ARHGEF4: variants seen among roughly 807,000 people sequenced by gnomAD.
ARHGEF4 encodes APC-stimulated guanine nucleotide exchange factor 1.
Under a neutral mutation model 162.0 loss-of-function variants are expected in ARHGEF4, and 119 were observed. The ratio of observed to expected loss-of-function variants is 0.73; its 90% CI spans 0.63 to 0.86. The LOEUF (loss-of-function observed/expected upper bound fraction) is 0.86, where lower values mean the gene tolerates loss of function less well. Among genes scored for constraint, ARHGEF4 ranks in the 40% least tolerant of loss-of-function variants. The pLI, the probability that ARHGEF4 is intolerant of heterozygous loss-of-function variation, is 0.00. For missense variants in ARHGEF4, 2,488 were observed against 2,456.0 expected (o/e 1.01, Z -0.28); for synonymous variants, 1,014 against 979.9 (o/e 1.03, Z -0.65).
intron 5 of ARHGEF4, chr2:131,035,420 C>G (rs1448187883): frequency 1.5e-6 from 1 of 656,196 alleles, no homozygotes; most frequent in Non-Finnish European, 2.1e-6. Flanking sequence ...CGAGCGGGTG[C>G]CTGAGGGGCG....
In ARHGEF4 at chr2:130,880,484, G is replaced by GC. The variant is rs1360566256; in HGVS notation, c.40-33498dup. Among the ~76,000 whole-genome samples the GC allele has an allele frequency of 9.2e-5, 14 of 152,256 alleles. 1 individual carries two copies. Among genetic ancestry groups the GC allele is most frequent in the Admixed American group, 7.2e-4 (11 of 15,292 alleles). ...GGATAGAAGTGTAGAGGAATTCCCAGCCCCTCTTTCCCATTTGTCTTAGCT... is the reference window on the plus strand; with the variant it reads ...GGATAGAAGTGTAGAGGAATTCCCAGCCCCCTCTTTCCCATTTGTCTTAGCT... On this transcript the variant is annotated intron_variant, in intron 1 of 13. Transcript: ENST00000409359.
At chr2:131,008,831 T>C (rs922720158) in intron 4 of ARHGEF4, among the ~76,000 whole-genome samples, 1 of 152,216 alleles carries the variant, frequency 6.6e-6, no homozygotes, top group Non-Finnish European at 1.5e-5. Context: ...ATTTATCCCT[T>C]TCCTGTTTTA....
chr2:130,867,891 G>T (rs189155714), intron 1 of ARHGEF4, among the ~76,000 whole-genome samples: 177 of 151,432 alleles, frequency 1.2e-3, no homozygotes, highest in African/African-American at 4.1e-3. Flanking sequence ...TCAACGCTGC[G>T]TGTGGTGGGA....
chr2:130,875,244 G>A (rs1337488559), intron 1 of ARHGEF4, among the ~76,000 whole-genome samples: 1 of 152,050 alleles, frequency 6.6e-6, no homozygotes, highest in African/African-American at 2.4e-5. Context: ...TTAGCGCATT[G>A]CTTGGCTTTA....
At chr2:131,018,603 T>C (rs528664010) in intron 4 of ARHGEF4, among the ~76,000 whole-genome samples, 1 of 152,350 alleles carries the variant, frequency 6.6e-6, no homozygotes, top group Non-Finnish European at 1.5e-5. Flanking sequence ...TAAATTTTGA[T>C]ACAGTTCAAT....
chr2:130,964,266 CCCCGCGCCG>C (rs1684837885), intron 4 of ARHGEF4: 49 of 985,900 alleles, frequency 5.0e-5, no homozygotes, highest in Non-Finnish European at 5.5e-5. Context: ...ACGCCGCCAT[CCCCGCGCCG>C]CACGCGCCCT....
At chr2:130,988,305 C>G (rs573920172) in intron 4 of ARHGEF4, among the ~76,000 whole-genome samples, 1 of 152,296 alleles carries the variant, frequency 6.6e-6, no homozygotes, top group South Asian at 2.1e-4. Flanking sequence ...ACTCACAGCT[C>G]CAAGCCACGT....
rs773745720 is a variant in ARHGEF4, at chr2:130,917,487, C to T, written c.3541C>T (p.Pro1181Ser). ...LGTVPWLRDL[P>S]GSENHMPWEE... ...CACAGTGCCCTGGCTCAGGGACCTT[C>T]CTGGGAGTGAGGTGAGTATCTGAAT... is the stretch of plus-strand genomic sequence containing the variant. Residue 1181 changes from proline to serine, a missense_variant, in exon 2 of 14, where the codon CCT (proline) becomes TCT (serine). By Grantham distance (74) the Pro-to-Ser change is moderately conservative. This residue lies in a region of ARHGEF4 where 1,642 missense variants were observed against 1,481.5 expected (regional missense o/e 1.11). Coordinates refer to ENST00000409359, the MANE Select transcript of ARHGEF4 (RefSeq NM_001367493.1). The T allele has an allele frequency of 2.7e-5, 42 of 1,549,184 alleles. No individual in the cohort carries two copies. In the South Asian group the frequency reaches 4.6e-4, roughly 17 times the overall value.
intron 4 of ARHGEF4, among the ~76,000 whole-genome samples, chr2:130,976,129 T>A (rs977191012): frequency 5.9e-5 from 9 of 152,110 alleles, no homozygotes; most frequent in African/African-American, 2.2e-4. Context: ...ATGGAGAGGT[T>A]GTGCAAGGTG....
chr2:130,991,528 C>T (rs916208597), intron 4 of ARHGEF4, among the ~76,000 whole-genome samples: 19 of 152,146 alleles, frequency 1.2e-4, no homozygotes, highest in Admixed American at 2.6e-4. Flanking sequence ...TTGGCGGGCC[C>T]GGCACTCGGA....
At chr2:131,008,626 G>A (rs1688271975) in intron 4 of ARHGEF4, among the ~76,000 whole-genome samples, 2 of 151,360 alleles carry the variant, frequency 1.3e-5, no homozygotes, top group South Asian at 2.1e-4. Flanking sequence ...GTTTTGTTTT[G>A]GATTAATTGG....
intron 10 of ARHGEF4, among the ~76,000 whole-genome samples, chr2:131,042,395 C>T (rs1269998580): frequency 6.6e-6 from 1 of 152,194 alleles, no homozygotes; most frequent in African/African-American, 2.4e-5. Flanking sequence ...TGCACATTTC[C>T]CTTTGCATCT....
intron 4 of ARHGEF4, among the ~76,000 whole-genome samples, chr2:130,956,937 A>C (rs1684318912): frequency 1.3e-5 from 2 of 152,092 alleles, no homozygotes; most frequent in African/African-American, 4.8e-5. Flanking sequence ...CATTGTGCAC[A>C]TGTACCCTAA....
At chr2:130,894,523 G>A (rs1302747867) in intron 1 of ARHGEF4, among the ~76,000 whole-genome samples, 1 of 152,200 alleles carries the variant, frequency 6.6e-6, no homozygotes, top group Non-Finnish European at 1.5e-5. Context: ...AGGCGAGGGT[G>A]TGGTCCTGCC....
At chr2:130,910,755 T>A (rs1384184764) in intron 1 of ARHGEF4, among the ~76,000 whole-genome samples, 1 of 152,216 alleles carries the variant, frequency 6.6e-6, no homozygotes, top group African/African-American at 2.4e-5. Context: ...CAGTTTCAAC[T>A]AACTTCAAAA....
chr2:130,837,442 G>A (rs1176036720), intron 1 of ARHGEF4: 3 of 330,352 alleles, frequency 9.1e-6, no homozygotes, highest in African/African-American at 2.3e-5. Flanking sequence ...CGGGAGAAGT[G>A]GTTGCTGTTG....
chr2:130,944,981 G>T (rs1054810896), intron 3 of ARHGEF4, among the ~76,000 whole-genome samples: 1 of 152,108 alleles, frequency 6.6e-6, no homozygotes, highest in African/African-American at 2.4e-5. Flanking sequence ...ATGTCAGTTT[G>T]TCAGTTCAGG....
intron 4 of ARHGEF4, among the ~76,000 whole-genome samples, chr2:131,014,777 T>G (rs868828980): frequency 3.9e-4 from 59 of 152,226 alleles, no homozygotes; most frequent in African/African-American, 1.4e-3. Flanking sequence ...CTGCTTTTCT[T>G]GGCTAAAGGC....
chr2:130,974,235 G>A (rs1685548577), intron 4 of ARHGEF4, among the ~76,000 whole-genome samples: 1 of 150,596 alleles, frequency 6.6e-6, no homozygotes, highest in African/African-American at 2.4e-5. Flanking sequence ...TCACACCACT[G>A]CACTCCAGAT....
Sources: gnomAD v4.1 joint callset for allele counts (sites outside exome capture counted in the v4.1 genomes callset) on GRCh38, gnomAD v4.1.1 for gene constraint, gnomAD v4.1.1 regional missense constraint, MANE v1.5 for transcripts, NCBI Gene and HGNC (gene_info 2026-07-23, HGNC 2026-07-21) for gene names.